ECPAS: variants seen among roughly 807,000 people sequenced by gnomAD.
ECPAS encodes Ecm29 proteasome adaptor and scaffold, also known as proteasome adapter and scaffold protein ECM29.
Under a neutral mutation model 255.1 loss-of-function variants are expected in ECPAS, and 70 were observed. The ratio of observed to expected loss-of-function variants is 0.27; its 90% CI spans 0.23 to 0.33. The LOEUF (loss-of-function observed/expected upper bound fraction) is 0.33, where lower values mean the gene tolerates loss of function less well. Ranked by LOEUF, ECPAS falls within the 10% of genes least tolerant of loss-of-function variation. The pLI, the probability that ECPAS is intolerant of heterozygous loss-of-function variation, is 1.00. For missense variants in ECPAS, 1,817 were observed against 2,206.4 expected, an observed-to-expected ratio of 0.82 and a Z score of 3.54; for synonymous variants, 784 against 775.0, an observed-to-expected ratio of 1.01 and a Z score of -0.19.
chr9:111,400,438 A>G (rs1267022554), intron 24 of ECPAS, among the ~76,000 whole-genome samples: 1 of 152,236 alleles, frequency 6.6e-6, no homozygotes, highest in Non-Finnish European at 1.5e-5. Context: ...CAGACTAAGC[A>G]GGCACCAGTG....
At chr9:111,406,217 C>T (rs1001003191) in intron 24 of ECPAS, among the ~76,000 whole-genome samples, 9 of 149,506 alleles carry the variant, frequency 6.0e-5, no homozygotes, top group East Asian at 4.0e-4. Context: ...CTGTTGCTGA[C>T]GGCAACATAG....
chr9:111,378,563 C>T lies in ECPAS; in HGVS notation c.3954+17G>A. 6.2e-7 allele frequency: 1 copy of T among 1,608,288 alleles called. No individual in the cohort carries two copies. Among genetic ancestry groups the T allele is most frequent in the Admixed American group, 1.7e-5 (1 of 59,708 alleles). ...TCCCTCATGATACTTACCAATATGC[C>T]TGCGCTATCCACTCACCTTTTCTTG... On this transcript the variant is annotated intron_variant, in intron 36 of 49. Transcript: ENST00000684092.
intron 22 of ECPAS, 139 bp from the exon 23 acceptor site, chr9:111,410,352 C>T: frequency 1.6e-6 from 1 of 630,654 alleles, no homozygotes; most frequent in Middle Eastern, 2.6e-4. Context: ...GACAATTTGC[C>T]AACATTTATT....
intron 35 of ECPAS, 61 bp from the exon 36 acceptor site, chr9:111,378,791 T>C: frequency 2.7e-6 from 4 of 1,494,432 alleles, no homozygotes; most frequent in South Asian, 2.6e-5. Flanking sequence ...GACCTACAAA[T>C]CTAACCATGA....
At chr9:111,484,028 A>G in intron 1 of ECPAS, 88 bp downstream of exon 1, 1 of 1,046,544 alleles carries the variant, frequency 9.6e-7, no homozygotes, top group Non-Finnish European at 1.1e-6. Context: ...CGGACTCGAC[A>G]CGCGGCGGCC....
At chr9:111,392,941 G>T in intron 27 of ECPAS, 59 bp from the exon 28 acceptor site, 1 of 1,172,412 alleles carries the variant, frequency 8.5e-7, no homozygotes, top group Non-Finnish European at 1.2e-6. Flanking sequence ...TACTTGCTAT[G>T]AAATCAAAAT....
At chr9:111,466,872 A>C (rs541718934) in intron 2 of ECPAS, among the ~76,000 whole-genome samples, 2 of 152,284 alleles carry the variant, frequency 1.3e-5, no homozygotes, top group South Asian at 4.2e-4. Context: ...AGCCTCCCAA[A>C]GTGCTGGGAT....
At chr9:111,482,709 C>G (rs189402503) in intron 1 of ECPAS, among the ~76,000 whole-genome samples, 7 of 152,192 alleles carry the variant, frequency 4.6e-5, no homozygotes, top group Non-Finnish European at 1.0e-4. Flanking sequence ...AAAACGCAAT[C>G]AGAAATTATC....
At chr9:111,447,086 G>A (rs984827186) in intron 3 of ECPAS, among the ~76,000 whole-genome samples, 4 of 151,798 alleles carry the variant, frequency 2.6e-5, no homozygotes, top group African/African-American at 9.7e-5. Context: ...AGAGAATCTT[G>A]CCCACAATTG....
chr9:111,440,451 G>C lies in ECPAS; in HGVS notation c.460C>G (p.Pro154Ala). The change falls in exon 6 of 50, where the codon CCA becomes GCA. Residue 154 changes from proline (P) to alanine (A), a missense_variant. Physicochemically the swap from Pro to Ala is conservative, Grantham distance 27 (BLOSUM62 -1). Transcript: ENST00000684092. ...YPVESSKSAS[P>A]FNLAEKPKTV... ...TTTGGTTTCTCAGCAAGATTAAATG[G>C]AGAAGCTGATTTTGATGATTCAACA... 6.2e-7 allele frequency: 1 copy of C among 1,613,372 alleles called. No homozygotes were observed.
intron 2 of ECPAS, among the ~76,000 whole-genome samples, chr9:111,465,133 T>C (rs1037134076): frequency 6.6e-6 from 1 of 152,134 alleles, no homozygotes; most frequent in Non-Finnish European, 1.5e-5. Flanking sequence ...AGCAAAACTC[T>C]GTCTCAAAAT....
At position 111,411,995 on chromosome 9, in the gene ECPAS, T is replaced by G. The variant is rs1466768663; in HGVS notation, c.2214+19A>C. 5 of 1,509,492 alleles carry G rather than the reference T, an allele frequency of 3.3e-6. No individual in the cohort carries two copies. The highest frequency in any genetic ancestry group is 4.4e-6 in the Non-Finnish European group (5 of 1,135,766). The allele number at this position is 1,509,492 out of a possible 1,614,324, so 93.5% of individuals were successfully genotyped here. A position where few individuals can be genotyped will look rare whatever the true frequency, so the allele number is the denominator to read the frequency against. On this transcript the variant is annotated intron_variant, in intron 21 of 49. Coordinates refer to ENST00000684092, the MANE Select transcript of ECPAS (RefSeq NM_001364929.1). ...AAACCCTATCTCCCACAAAAAAGAA[T>G]GAAAACAAAATAACATACGTGATTG...
rs1211421112 is a variant in ECPAS, at chr9:111,410,072, C to A, written c.2519G>T (p.Ser840Ile). The part of the protein sequence containing the change: ...TKLHLVESLL[S>I]RIPSSKETNK... The stretch of plus-strand genomic sequence containing the variant: ...TGTTTCTTTACTGGAAGGTATTCTA[C>A]TTAGTAAGCTTTCTACAAGATGCAA... The change falls in exon 23 of 50, where the codon AGT becomes ATT. Residue 840 changes from serine (S) to isoleucine (I), a missense_variant. By Grantham distance (142) the Ser-to-Ile change is moderately radical. This residue lies in a region of ECPAS where 194 missense variants were observed against 152.8 expected (regional missense o/e 1.27). Coordinates refer to ENST00000684092, the MANE Select transcript of ECPAS (RefSeq NM_001364929.1). 1 of 1,578,442 alleles carries A rather than the reference C, an allele frequency of 6.3e-7. No individual in the cohort carries two copies. The highest frequency in any genetic ancestry group is 8.6e-7 in the Non-Finnish European group (1 of 1,161,246).
At chr9:111,386,051 C>G (rs1306941703) in intron 32 of ECPAS, among the ~76,000 whole-genome samples, 1 of 152,338 alleles carries the variant, frequency 6.6e-6, no homozygotes, top group South Asian at 2.1e-4. Context: ...CCTCTGCCCC[C>G]TGGCTGGGTT....
At chr9:111,476,952 G>A (rs1056083879) in intron 1 of ECPAS, among the ~76,000 whole-genome samples, 1 of 151,982 alleles carries the variant, frequency 6.6e-6, no homozygotes, top group Non-Finnish European at 1.5e-5. Context: ...ACAGGCATGC[G>A]CCACCAGGTC....
At chr9:111,367,387 T>C (rs2098121687) in intron 46 of ECPAS, among the ~76,000 whole-genome samples, 3 of 152,212 alleles carry the variant, frequency 2.0e-5, no homozygotes, top group Admixed American at 6.5e-5. Context: ...GTTAAGTTCC[T>C]AAAGAAAAGG....
intron 1 of ECPAS, among the ~76,000 whole-genome samples, chr9:111,479,016 T>G (rs191105180): frequency 5.1e-4 from 77 of 152,290 alleles, no homozygotes; most frequent in African/African-American, 1.8e-3. Flanking sequence ...AGAGGTAAGA[T>G]GGCCTCAAGG....
intron 6 of ECPAS, 61 bp downstream of exon 6, chr9:111,440,310 AG>A (rs2098244063): frequency 7.1e-7 from 1 of 1,414,956 alleles, no homozygotes; most frequent in African/African-American, 1.4e-5. Flanking sequence ...CATTTAAAAT[AG>A]TACTTAACTC....
Position 111,484,309 on chromosome 9 carries a change from C to G in ECPAS, c.-276G>C, listed in dbSNP as rs753576535. On this transcript the variant is annotated 5_prime_UTR_variant, in exon 1 of 50. Transcript: ENST00000684092. ...GAGGCGGGGCCGGAGCGCCCTTTTC[C>G]GAGGTCTGCGGCTGTCACGTTGGCT... 5.1e-6 allele frequency: 8 copies of G among 1,576,992 alleles called. No individual in the cohort carries two copies. The highest frequency in any genetic ancestry group is 6.9e-6 in the Non-Finnish European group (8 of 1,163,214).
Sources: gnomAD v4.1 joint callset for allele counts (sites outside exome capture counted in the v4.1 genomes callset) on GRCh38, gnomAD v4.1.1 for gene constraint, gnomAD v4.1.1 regional missense constraint, MANE v1.5 for transcripts, NCBI Gene and HGNC (gene_info 2026-07-23, HGNC 2026-07-21) for gene names.